ZNF521: variants seen among roughly 807,000 people sequenced by gnomAD.
The protein encoded by ZNF521 is LYST-interacting protein 3.
In ZNF521, 14 loss-of-function variants were observed where a neutral mutation model predicts 105.5. The ratio of observed to expected loss-of-function variants is 0.13; its 90% CI spans 0.09 to 0.21. ZNF521 has a LOEUF of 0.21. ZNF521 is among the 10% of genes least tolerant of loss of function. ZNF521 has a pLI of 1.00. For synonymous variants in ZNF521, 635 were observed against 606.0 expected (o/e 1.05, Z -0.70); for missense variants, 1,233 against 1,629.7 (o/e 0.76, Z 4.19).
chr18:25,095,610 A>G (rs1009757047), intron 5 of ZNF521, among the ~76,000 whole-genome samples: 2 of 152,112 alleles, frequency 1.3e-5, no homozygotes, highest in African/African-American at 4.8e-5. Flanking sequence ...TTGAAATTGA[A>G]AGAGAGAGGG....
intron 3 of ZNF521, among the ~76,000 whole-genome samples, chr18:25,233,865 T>C (rs1200118934): frequency 6.6e-6 from 1 of 152,190 alleles, no homozygotes; most frequent in Non-Finnish European, 1.5e-5. Context: ...GGGAGAAGTA[T>C]AAATGTTTTG....
At chr18:25,217,717 T>G (rs919674682) in intron 4 of ZNF521, among the ~76,000 whole-genome samples, 2 of 152,206 alleles carry the variant, frequency 1.3e-5, no homozygotes, top group Non-Finnish European at 2.9e-5. Context: ...ACCAAGAATA[T>G]GAGACTGAGT....
At chr18:25,322,651 C>G (rs1280056504) in intron 2 of ZNF521, among the ~76,000 whole-genome samples, 3 of 151,852 alleles carry the variant, frequency 2.0e-5, no homozygotes, top group African/African-American at 7.2e-5. Flanking sequence ...TAAGCTAAGC[C>G]AATTACCATA....
At position 25,277,289 on chromosome 18, in the gene ZNF521, G is replaced by C. The variant is rs536816347; in HGVS notation, c.220+44719C>G. On this transcript the variant is annotated intron_variant, in intron 3 of 7. Coordinates refer to ENST00000361524, the MANE Select transcript of ZNF521 (RefSeq NM_015461.3). ...AGCTTATCAAATATTATAATTTTTC[G>C]ATCTTTCCTTCTTCATTTCACCACT... Among the ~76,000 whole-genome samples the C allele has an allele frequency of 1.1e-4, 17 of 151,702 alleles. No individual in the cohort carries two copies. In the East Asian group the frequency reaches 3.3e-3, roughly 29 times the overall value.
chr18:25,256,804 G>GAA lies in ZNF521; in HGVS notation c.221-29109_221-29108dup, dbSNP rs370169502. On this transcript the variant is annotated intron_variant, in intron 3 of 7. Transcript: ENST00000361524. ...AATACAAGTGTGTGTGCAGCTGAAG[G>GAA]AAAAAAAAAACATTAAAACTGAGTT... Among the ~76,000 whole-genome samples the GAA allele has an allele frequency of 2.9e-3, 422 of 147,882 alleles. 1 individual carries two copies. Among genetic ancestry groups the GAA allele is most frequent in the African/African-American group, 1.0e-2 (404 of 40,438 alleles).
intron 5 of ZNF521, among the ~76,000 whole-genome samples, chr18:25,161,946 T>C (rs2035259065): frequency 6.6e-6 from 1 of 152,148 alleles, no homozygotes; most frequent in Non-Finnish European, 1.5e-5. Context: ...CAAGCAGTGG[T>C]TCCTGGGCAC....
intron 5 of ZNF521, among the ~76,000 whole-genome samples, chr18:25,103,266 G>A (rs908147594): frequency 2.6e-5 from 4 of 152,132 alleles, no homozygotes; most frequent in African/African-American, 7.2e-5. Flanking sequence ...GTGGCTGAAC[G>A]CTGATGCTCT....
At chr18:25,222,614 A>G (rs1187650903) in intron 4 of ZNF521, among the ~76,000 whole-genome samples, 1 of 152,222 alleles carries the variant, frequency 6.6e-6, no homozygotes, top group Non-Finnish European at 1.5e-5. Context: ...CACACTTTGT[A>G]AATTAAACAT....
intron 3 of ZNF521, among the ~76,000 whole-genome samples, chr18:25,281,493 A>G (rs1227625724): frequency 2.0e-5 from 3 of 152,240 alleles, no homozygotes; most frequent in Non-Finnish European, 2.9e-5. Flanking sequence ...GAAAACAGTA[A>G]AAGTTTAAGA....
intron 3 of ZNF521, among the ~76,000 whole-genome samples, chr18:25,308,714 T>C (rs988666951): frequency 3.8e-4 from 51 of 135,446 alleles, no homozygotes; most frequent in African/African-American, 1.3e-3. Context: ...TGCTGGAACC[T>C]CTATTCCAGT....
At chr18:25,117,272 C>T (rs191085258) in intron 5 of ZNF521, among the ~76,000 whole-genome samples, 299 of 151,936 alleles carry the variant, frequency 2.0e-3, no homozygotes, top group African/African-American at 6.8e-3. Flanking sequence ...ATTTGAGCTG[C>T]GGTCCAAATG....
chr18:25,100,084 C>CTTTCTTTCTTTTTTTT (rs1376099843), intron 5 of ZNF521, among the ~76,000 whole-genome samples: 2 of 150,326 alleles, frequency 1.3e-5, no homozygotes, highest in African/African-American at 4.9e-5. Context: ...TTCTTTTTTT[C>CTTTCTTTCTTTTTTTT]TTTCTTTCTT....
intron 3 of ZNF521, among the ~76,000 whole-genome samples, chr18:25,263,582 T>C (rs1025558208): frequency 8.6e-5 from 13 of 152,046 alleles, no homozygotes; most frequent in African/African-American, 3.1e-4. Flanking sequence ...CTTTGTTTGT[T>C]TGTTTGTTTT....
intron 7 of ZNF521, among the ~76,000 whole-genome samples, chr18:25,066,956 C>A (rs949336878): frequency 1.3e-5 from 2 of 152,060 alleles, no homozygotes; most frequent in African/African-American, 4.8e-5. Flanking sequence ...AATATCTGTT[C>A]CAATGAAGGG....
At chr18:25,204,837 C>T (rs1259917285) in intron 4 of ZNF521, among the ~76,000 whole-genome samples, 1 of 152,060 alleles carries the variant, frequency 6.6e-6, no homozygotes, top group Non-Finnish European at 1.5e-5. Flanking sequence ...AAGGTATCTT[C>T]ATCTAGATCA....
chr18:25,122,107 G>T (rs999501822), intron 5 of ZNF521, among the ~76,000 whole-genome samples: 2 of 152,002 alleles, frequency 1.3e-5, no homozygotes, highest in African/African-American at 2.4e-5. Flanking sequence ...TGTTCAATAG[G>T]GACATGAAAG....
Position 25,292,647 on chromosome 18 carries a change from C to T in ZNF521, c.220+29361G>A, listed in dbSNP as rs187946461. Among the ~76,000 whole-genome samples, 132 of 152,236 alleles carry T rather than the reference C, an allele frequency of 8.7e-4. 1 individual carries two copies. The highest frequency in any genetic ancestry group is 6.8e-3 in the Middle Eastern group (2 of 294). On this transcript the variant is annotated intron_variant, in intron 3 of 7. Coordinates refer to ENST00000361524, the MANE Select transcript of ZNF521 (RefSeq NM_015461.3). ...TGGGTATGGATAGTGGAAAGCAAAA[C>T]GTTATCAGGGAAACAGCCCCATTAG...
intron 3 of ZNF521, among the ~76,000 whole-genome samples, chr18:25,264,383 TTCA>T (rs1281892357): frequency 6.6e-6 from 1 of 152,222 alleles, no homozygotes; most frequent in Admixed American, 6.5e-5. Flanking sequence ...ATTAAATTCC[TTCA>T]TCAATTTCTT....
intron 3 of ZNF521, among the ~76,000 whole-genome samples, chr18:25,229,881 T>G (rs1483398924): frequency 6.6e-6 from 1 of 152,190 alleles, no homozygotes; most frequent in East Asian, 1.9e-4. Flanking sequence ...GCAAGTGAAT[T>G]TATAATTAAA....
Sources: allele counts gnomAD v4.1 joint callset (sites outside exome capture counted in the v4.1 genomes callset), GRCh38; gene constraint gnomAD v4.1.1; transcripts MANE v1.5; gene names NCBI Gene and HGNC (gene_info 2026-07-23, HGNC 2026-07-21).